RALGPS2: variants seen among roughly 807,000 people sequenced by gnomAD.
RALGPS2 encodes the protein Ral GEF with PH domain and SH3 binding motif 2.
Under a neutral mutation model 86.8 loss-of-function variants are expected in RALGPS2, and 43 were observed. That is an observed-to-expected ratio of 0.50 (90% CI 0.39 to 0.64). RALGPS2 has a LOEUF of 0.64. RALGPS2 is among the 30% of genes least tolerant of loss of function. The probability of loss-of-function intolerance (pLI) is 0.00; values close to 1 mark genes in which losing one functional copy is unlikely to be tolerated. For missense variants in RALGPS2, 536 were observed against 694.6 expected (o/e 0.77, Z 2.57); for synonymous variants, 243 against 231.3 (o/e 1.05, Z -0.46).
intron 1 of RALGPS2, chr1:178,747,621 G>A: frequency 1.3e-6 from 2 of 1,570,520 alleles, no homozygotes; most frequent in Non-Finnish European, 1.8e-6. Context: ...CCTCTTCTAT[G>A]TCAACTAAGC....
chr1:178,813,229 G>A (rs1324927701), intron 6 of RALGPS2, among the ~76,000 whole-genome samples: 3 of 152,002 alleles, frequency 2.0e-5, no homozygotes, highest in Non-Finnish European at 4.4e-5. Context: ...CACTGCACCC[G>A]GCCAATACTG....
intron 6 of RALGPS2, among the ~76,000 whole-genome samples, chr1:178,817,874 C>T (rs918605415): frequency 2.0e-5 from 3 of 152,076 alleles, no homozygotes; most frequent in Admixed American, 6.5e-5. Flanking sequence ...AATGTTTTTC[C>T]GGCTCATTTT....
chr1:178,812,147 GC>G (rs1040000182), intron 6 of RALGPS2, among the ~76,000 whole-genome samples: 1 of 152,110 alleles, frequency 6.6e-6, no homozygotes, highest in Non-Finnish European at 1.5e-5. Flanking sequence ...TCAAAGCAGG[GC>G]CAAATGGTTG....
chr1:178,873,063 C>T (rs1183817660), intron 8 of RALGPS2, among the ~76,000 whole-genome samples: 2 of 151,990 alleles, frequency 1.3e-5, no homozygotes, highest in East Asian at 3.9e-4. Flanking sequence ...TACGAAAGTT[C>T]AAGGTAGGGA....
At chr1:178,784,248 T>TCTG (rs894634366) in intron 2 of RALGPS2, among the ~76,000 whole-genome samples, 170 bp from the exon 3 acceptor site, 11 of 152,264 alleles carry the variant, frequency 7.2e-5, no homozygotes, top group Admixed American at 3.3e-4. Context: ...TTTCAAGTTG[T>TCTG]CTGACCCTTT....
chr1:178,760,127 A>C (rs1188722970), intron 1 of RALGPS2, among the ~76,000 whole-genome samples: 1 of 152,180 alleles, frequency 6.6e-6, no homozygotes, highest in East Asian at 1.9e-4. Context: ...GTTGAATAAC[A>C]GTGGTGATAG....
intron 7 of RALGPS2, among the ~76,000 whole-genome samples, chr1:178,829,120 G>A (rs768256960): frequency 2.0e-5 from 3 of 152,192 alleles, no homozygotes; most frequent in Non-Finnish European, 2.9e-5. Flanking sequence ...TGAATTTGGA[G>A]ATCATTATCC....
Position 178,776,605 on chromosome 1 carries a change from T to C in RALGPS2, c.-83-77T>C, listed in dbSNP as rs1572320023. On this transcript the variant is annotated intron_variant, in intron 1 of 19. Coordinates refer to ENST00000367635, the MANE Select transcript of RALGPS2 (RefSeq NM_152663.5). ...TAGTGAAGTTGAAATTTTTGTTTCT[T>C]GGCATGGTGGTAGGCATAGAGTTGT... 1.6e-5 allele frequency: 8 copies of C among 490,548 alleles called. No individual in the cohort carries two copies. In the East Asian group the frequency reaches 2.7e-4, roughly 17 times the overall value. 30.4% of individuals were successfully genotyped at this position (490,548 alleles called of 1,614,324 possible).
intron 8 of RALGPS2, among the ~76,000 whole-genome samples, chr1:178,862,516 T>G (rs915063348): frequency 6.6e-6 from 1 of 151,972 alleles, no homozygotes; most frequent in Non-Finnish European, 1.5e-5. Context: ...TTACAGAGAG[T>G]AGAGGTATTC....
rs1425189932 is a variant in RALGPS2, at chr1:178,920,114, GT to G, written c.*3761del. On this transcript the variant is annotated 3_prime_UTR_variant, in exon 20 of 20. Coordinates refer to ENST00000367635, the MANE Select transcript of RALGPS2 (RefSeq NM_152663.5). ...GATTTTACAGCCAAAGTGGTATTCT[GT>G]TTTTTCTAAGCTTTGAGATACAAAT... 6.6e-6 allele frequency: 1 copy of G among 151,928 alleles called. No individual in the cohort carries two copies. Among genetic ancestry groups the G allele is most frequent in the Non-Finnish European group, 1.5e-5 (1 of 67,872 alleles). 9.4% of individuals were successfully genotyped at this position (151,928 alleles called of 1,614,324 possible). A position where few individuals can be genotyped will look rare whatever the true frequency, so the allele number is the denominator to read the frequency against.
intron 8 of RALGPS2, among the ~76,000 whole-genome samples, chr1:178,835,179 A>G (rs1260725410): frequency 1.3e-5 from 2 of 152,226 alleles, no homozygotes; most frequent in Non-Finnish European, 1.5e-5. Context: ...TACCTTCACA[A>G]TTCAGAAGAA....
intron 1 of RALGPS2, chr1:178,747,011 C>T (rs1651373025): frequency 2.6e-5 from 24 of 914,196 alleles, no homozygotes; most frequent in Non-Finnish European, 4.4e-5. Context: ...TCTCCCTTTA[C>T]ACATTTTGCT....
chr1:178,735,182 A>G (rs1055625992), intron 1 of RALGPS2, among the ~76,000 whole-genome samples: 31 of 152,202 alleles, frequency 2.0e-4, no homozygotes, highest in African/African-American at 6.8e-4. Flanking sequence ...AACTATAGCT[A>G]TACTCAGCAA....
At chr1:178,849,275 C>CATATAATATCATATAATATAAT (rs1657030600) in intron 8 of RALGPS2, among the ~76,000 whole-genome samples, 1 of 152,180 alleles carries the variant, frequency 6.6e-6, no homozygotes, top group African/African-American at 2.4e-5. Flanking sequence ...TATAATACCG[C>CATATAATATCATATAATATAAT]TTCTTATTCT....
intron 5 of RALGPS2, among the ~76,000 whole-genome samples, chr1:178,810,334 C>T (rs1654916458): frequency 6.6e-6 from 1 of 152,090 alleles, no homozygotes; most frequent in South Asian, 2.1e-4. Flanking sequence ...TTGCAGTTAG[C>T]CGAGATCACC....
chr1:178,814,540 A>G (rs79827449), intron 6 of RALGPS2, among the ~76,000 whole-genome samples: 6,052 of 152,188 alleles, frequency 0.04, 160 homozygotes, highest in African/African-American at 0.068. Context: ...GGCCCAGGCA[A>G]TCTTCCTACC....
chr1:178,856,420 T>TTTTTTTTTTTTG (rs1558152822), intron 8 of RALGPS2, among the ~76,000 whole-genome samples: 10 of 120,574 alleles, frequency 8.3e-5, no homozygotes, highest in African/African-American at 3.5e-4. Context: ...TTTTTTTTTT[T>TTTTTTTTTTTTG]TTTTTTGAGA....
At chr1:178,837,094 T>C (rs996423617) in intron 8 of RALGPS2, among the ~76,000 whole-genome samples, 13 of 152,224 alleles carry the variant, frequency 8.5e-5, no homozygotes, top group African/African-American at 3.1e-4. Context: ...CCACTTCTTT[T>C]CTTACTCTAT....
chr1:178,874,363 A>C (rs923411804), intron 8 of RALGPS2, among the ~76,000 whole-genome samples: 1 of 152,178 alleles, frequency 6.6e-6, no homozygotes, highest in East Asian at 1.9e-4. Flanking sequence ...TTTATATTCA[A>C]ATACACCTCA....
Sources: gnomAD v4.1 joint callset for allele counts (sites outside exome capture counted in the v4.1 genomes callset) on GRCh38, gnomAD v4.1.1 for gene constraint, MANE v1.5 for transcripts, NCBI Gene and HGNC (gene_info 2026-07-23, HGNC 2026-07-21) for gene names.